The following ZEB2 variants were observed in gnomAD, a reference collection of about 807,000 sequenced individuals.
The protein encoded by ZEB2 is zinc finger E-box binding homeobox 2, also known as zinc finger E-box-binding homeobox 2.
Under a neutral mutation model 99.9 loss-of-function variants are expected in ZEB2, and 6 were observed. The ratio of observed to expected loss-of-function variants is 0.06; its 90% CI spans 0.03 to 0.12. The LOEUF (loss-of-function observed/expected upper bound fraction) is 0.12, where lower values mean the gene tolerates loss of function less well. Ranked by LOEUF, ZEB2 falls within the 10% of genes least tolerant of loss-of-function variation. The probability of loss-of-function intolerance (pLI) is 1.00; values close to 1 mark genes in which losing one functional copy is unlikely to be tolerated. For missense variants in ZEB2, 969 were observed against 1,502.8 expected, an observed-to-expected ratio of 0.64 and a Z score of 5.87; for synonymous variants, 517 against 542.5, an observed-to-expected ratio of 0.95 and a Z score of 0.65.
At position 144,423,552 on chromosome 2, in the gene ZEB2, T is replaced by C. The variant is rs114021064; in HGVS notation, c.403+1244A>G. ...GGAACTGAGTTCCAAAGAGGAAAAC[T>C]GACTTGCCCAAGGGTTACAATCTAG... is the stretch of plus-strand genomic sequence containing the variant. On this transcript the variant is annotated intron_variant, in intron 4 of 9. Transcript: ENST00000627532. Among the ~76,000 whole-genome samples, 1,403 of 152,320 alleles carry C rather than the reference T, an allele frequency of 9.2e-3. 7 individuals carry two copies. Among genetic ancestry groups the C allele is most frequent in the Non-Finnish European group, 0.015 (1,033 of 68,014 alleles).
Position 144,399,390 on chromosome 2 carries a change from A to G in ZEB2, c.1797T>C (p.His599=), listed in dbSNP as rs1703276819. 1 of 1,614,080 alleles carries G rather than the reference A, an allele frequency of 6.2e-7. No individual in the cohort carries two copies. Among genetic ancestry groups the G allele is most frequent in the African/African-American group, 1.3e-5 (1 of 74,936 alleles). The change falls in exon 8 of 10, where the codon CAT becomes CAC. Residue 599 remains histidine (H), a synonymous_variant. Coordinates refer to ENST00000627532, the MANE Select transcript of ZEB2 (RefSeq NM_014795.4). This position sits in a 1 kb window ranked among gnomAD's most constrained non-coding sequence, Gnocchi z 5.6. ...SFPGPIPLHQ[H]ERYLCKMNEE... is the part of the protein sequence containing the mutation. ...CATTCATCTTACAAAGGTAACGTTC[A>G]TGCTGATGCAAAGGGATGGGGCCAG... is the stretch of plus-strand genomic sequence containing the variant.
chr2:144,509,882 G>A (rs1454567792), intron 2 of ZEB2, among the ~76,000 whole-genome samples: 1 of 152,084 alleles, frequency 6.6e-6, no homozygotes, highest in Non-Finnish European at 1.5e-5. Flanking sequence ...GTCTGCCTGC[G>A]AGGGTTTAAA....
At chr2:144,472,482 A>C (rs1704371965) in intron 2 of ZEB2, among the ~76,000 whole-genome samples, 1 of 152,120 alleles carries the variant, frequency 6.6e-6, no homozygotes, top group African/African-American at 2.4e-5. Flanking sequence ...TATGATAATA[A>C]TACTAATAGC....
At chr2:144,514,559 T>C (rs1026823150) in intron 2 of ZEB2, 1 of 152,216 alleles carries the variant, frequency 6.6e-6, no homozygotes, top group African/African-American at 2.4e-5. Flanking sequence ...AGATAAATCC[T>C]AGCAATTCCC....
chr2:144,398,185 G>T, intron 8 of ZEB2, 116 bp downstream of exon 8: 1 of 1,377,556 alleles, frequency 7.3e-7, no homozygotes, highest in Non-Finnish European at 9.9e-7. Flanking sequence ...TCATGTTAAA[G>T]CAAACTCTTC....
At chr2:144,447,976 C>T (rs1258531404) in intron 2 of ZEB2, among the ~76,000 whole-genome samples, 1 of 152,048 alleles carries the variant, frequency 6.6e-6, no homozygotes, top group Non-Finnish European at 1.5e-5. Flanking sequence ...AAGTGGAGGA[C>T]AAGAATATCT....
At chr2:144,444,062 C>G (rs1396071979) in intron 2 of ZEB2, among the ~76,000 whole-genome samples, 6 of 152,182 alleles carry the variant, frequency 3.9e-5, no homozygotes, top group Non-Finnish European at 5.9e-5. Flanking sequence ...CAAACAGAAA[C>G]TTTTCTTTTT....
At chr2:144,457,995 G>A (rs1043952133) in intron 2 of ZEB2, among the ~76,000 whole-genome samples, 2 of 152,052 alleles carry the variant, frequency 1.3e-5, no homozygotes, top group African/African-American at 2.4e-5. Flanking sequence ...ATACTAAGGC[G>A]AATTTAGAGA....
At chr2:144,501,235 C>G (rs1211968793) in intron 2 of ZEB2, among the ~76,000 whole-genome samples, 3 of 152,176 alleles carry the variant, frequency 2.0e-5, no homozygotes, top group Non-Finnish European at 4.4e-5. Flanking sequence ...GAACTTTCTC[C>G]ATTAATACAC....
chr2:144,440,095 T>C (rs897562012), intron 2 of ZEB2, among the ~76,000 whole-genome samples: 6 of 151,992 alleles, frequency 3.9e-5, no homozygotes, highest in African/African-American at 1.2e-4. Flanking sequence ...TTGTGTGGAG[T>C]TTTAAACTTT....
At chr2:144,404,763 G>A (rs1439337953) in intron 5 of ZEB2, 73 bp downstream of exon 5, 1 of 1,540,184 alleles carries the variant, frequency 6.5e-7, no homozygotes, top group Non-Finnish European at 8.9e-7. Context: ...TAAACACCCA[G>A]GCATGTAGTG....
chr2:144,517,131 C>G (rs1043829926), intron 2 of ZEB2, 147 bp downstream of exon 2: 74 of 822,954 alleles, frequency 9.0e-5, no homozygotes, highest in African/African-American at 1.1e-4. Flanking sequence ...CGCCGGGCTC[C>G]GGCGCCGGCC....
At chr2:144,457,321 GA>G (rs1309441651) in intron 2 of ZEB2, among the ~76,000 whole-genome samples, 2 of 152,116 alleles carry the variant, frequency 1.3e-5, no homozygotes, top group Non-Finnish European at 2.9e-5. Flanking sequence ...AATTTTAACT[GA>G]CTTTTTCCCA....
chr2:144,484,797 G>A (rs1487414641), intron 2 of ZEB2, among the ~76,000 whole-genome samples: 1 of 151,966 alleles, frequency 6.6e-6, no homozygotes, highest in Non-Finnish European at 1.5e-5. Flanking sequence ...GTCAGTACAC[G>A]GTGGAACATT....
intron 4 of ZEB2, among the ~76,000 whole-genome samples, chr2:144,411,013 A>AT (rs1312491403): frequency 7.0e-6 from 1 of 143,692 alleles, no homozygotes; most frequent in East Asian, 2.0e-4. Context: ...CCGTTTGGAG[A>AT]TATATACACA....
chr2:144,491,173 G>A (rs1704674297), intron 2 of ZEB2, among the ~76,000 whole-genome samples: 1 of 152,216 alleles, frequency 6.6e-6, no homozygotes, highest in South Asian at 2.1e-4. Flanking sequence ...TGGGGTGGGC[G>A]CCATGTGGGC....
intron 2 of ZEB2, chr2:144,513,686 TGCCCGAATCAGGG>T (rs1705082148): frequency 6.5e-7 from 1 of 1,535,578 alleles, no homozygotes; most frequent in Non-Finnish European, 8.7e-7. Flanking sequence ...CAGGACCCGC[TGCCCGAATCAGGG>T]GCAAAAGCAA....
At chr2:144,397,637 C>T (rs1703246068) in intron 8 of ZEB2, among the ~76,000 whole-genome samples, 1 of 152,112 alleles carries the variant, frequency 6.6e-6, no homozygotes, top group African/African-American at 2.4e-5. Context: ...TTGTGCACAT[C>T]TTTATATTTA....
At chr2:144,448,539 C>A (rs541407834) in intron 2 of ZEB2, among the ~76,000 whole-genome samples, 1 of 152,296 alleles carries the variant, frequency 6.6e-6, no homozygotes, top group South Asian at 2.1e-4. Context: ...AAGGTACATG[C>A]TAAAAAGGGC....
Sources: allele counts gnomAD v4.1 joint callset (sites outside exome capture counted in the v4.1 genomes callset), GRCh38; gene constraint gnomAD v4.1.1; non-coding constraint Gnocchi (gnomAD v3.1); transcripts MANE v1.5; gene names NCBI Gene and HGNC (gene_info 2026-07-23, HGNC 2026-07-21).